Variants in GFRA1 observed in about 807,000 individuals in gnomAD.
The protein encoded by GFRA1 is GDNF family receptor alpha 1, also known as GDNF family receptor alpha-1.
Under a neutral mutation model 51.6 loss-of-function variants are expected in GFRA1, and 16 were observed. That is an observed-to-expected ratio of 0.31 (90% confidence interval 0.21 to 0.47). GFRA1 has a LOEUF of 0.47. GFRA1 is among the 20% of genes least tolerant of loss of function. GFRA1 has a pLI of 1.00. For missense variants in GFRA1, 530 were observed against 594.3 expected (o/e 0.89, Z 1.13); for synonymous variants, 270 against 241.3 (o/e 1.12, Z -1.10).
At chr10:116,267,360 G>A (rs1969741074) in intron 4 of GFRA1, among the ~76,000 whole-genome samples, 1 of 152,002 alleles carries the variant, frequency 6.6e-6, no homozygotes, top group South Asian at 2.1e-4. Context: ...CAGCTACTCG[G>A]GAGGCTGAGG....
At position 116,250,858 on chromosome 10, in the gene GFRA1, T is replaced by G. The variant is rs528284836; in HGVS notation, c.418+18645A>C. Among the ~76,000 whole-genome samples, 6 of 152,300 alleles carry G rather than the reference T, an allele frequency of 3.9e-5. 1 individual carries two copies. The South Asian group carries it at 1.2e-3, about 32-fold the overall frequency. On this transcript the variant is annotated intron_variant, in intron 4 of 10. Coordinates refer to ENST00000355422, the MANE Select transcript of GFRA1 (RefSeq NM_005264.8). The stretch of plus-strand genomic sequence containing the variant: ...CAGGGCAGCGGAAGGAGATAATCAC[T>G]GGTAAAAAGGGACCAGGCTCCCACC...
rs1479456014 is a variant in GFRA1, at chr10:116,148,093, C to T, written c.434-22536G>A. Among the ~76,000 whole-genome samples, 14 of 95,340 alleles carry T rather than the reference C, an allele frequency of 1.5e-4. No individual in the cohort carries two copies. The East Asian group carries it at 1.6e-3, about 11-fold the overall frequency. 62.5% of individuals were successfully genotyped at this position (95,340 alleles called of 152,430 possible). ...GTGTGTGCATGTGTGTGTGTGCATG[C>T]GTGTGTGCATGCATGGGTGTGTGTG... On this transcript the variant is annotated intron_variant, in intron 5 of 10. Coordinates refer to ENST00000355422, the MANE Select transcript of GFRA1 (RefSeq NM_005264.8).
chr10:116,273,376 C>A (rs1386206205), upstream of GFRA1: 2 of 152,002 alleles, frequency 1.3e-5, no homozygotes, highest in Non-Finnish European at 2.9e-5. Context: ...CCGAGCAGAG[C>A]CCTCGGCTCG....
intron 5 of GFRA1, among the ~76,000 whole-genome samples, chr10:116,208,328 T>G (rs1435012911): frequency 3.3e-5 from 5 of 152,092 alleles, no homozygotes; most frequent in Admixed American, 3.3e-4. Flanking sequence ...TTTGTAAACT[T>G]GACTACAGAA....
intron 5 of GFRA1, among the ~76,000 whole-genome samples, chr10:116,186,268 C>T (rs899955896): frequency 3.9e-5 from 6 of 152,194 alleles, no homozygotes; most frequent in Admixed American, 2.6e-4. Flanking sequence ...CCCAGACAAC[C>T]TTGCCTTTTC....
chr10:116,226,432 T>C (rs998098740), intron 4 of GFRA1, among the ~76,000 whole-genome samples: 1 of 152,134 alleles, frequency 6.6e-6, no homozygotes, highest in African/African-American at 2.4e-5. Context: ...GAAAGGGAAG[T>C]TCTGCTAAAA....
intron 4 of GFRA1, among the ~76,000 whole-genome samples, chr10:116,225,534 CAAAAAAAAAA>C (rs756377767): frequency 1.3e-4 from 8 of 63,962 alleles, no homozygotes; most frequent in Middle Eastern, 0.016. Context: ...AGTCTGTCTC[CAAAAAAAAAA>C]AAAAAAAAAA....
intron 5 of GFRA1, among the ~76,000 whole-genome samples, chr10:116,167,516 A>G (rs1404792779): frequency 1.3e-5 from 2 of 152,118 alleles, no homozygotes; most frequent in Non-Finnish European, 2.9e-5. Flanking sequence ...AATGCCTGGC[A>G]TGTAATGTCT....
intron 5 of GFRA1, among the ~76,000 whole-genome samples, chr10:116,138,754 G>A (rs1958441171): frequency 6.6e-6 from 1 of 150,930 alleles, no homozygotes; most frequent in African/African-American, 2.4e-5. Context: ...GCATGCCTCA[G>A]TGAGCCTTCA....
chr10:116,086,246 T>C (rs1195955095), intron 9 of GFRA1, among the ~76,000 whole-genome samples: 1 of 152,068 alleles, frequency 6.6e-6, no homozygotes, highest in Non-Finnish European at 1.5e-5. Context: ...CCCACCAATG[T>C]TCCCTAGCAC....
chr10:116,115,099 T>C (rs1239476975), intron 6 of GFRA1, among the ~76,000 whole-genome samples: 1 of 152,260 alleles, frequency 6.6e-6, no homozygotes, highest in Non-Finnish European at 1.5e-5. Context: ...ATGGTTCTTT[T>C]AAATTCTTGT....
chr10:116,263,822 G>C (rs902617714), intron 4 of GFRA1, among the ~76,000 whole-genome samples: 1 of 152,164 alleles, frequency 6.6e-6, no homozygotes, highest in African/African-American at 2.4e-5. Flanking sequence ...GTGGAAGGAG[G>C]GGAGCATTCA....
chr10:116,077,347 A>G (rs983182381), intron 9 of GFRA1, among the ~76,000 whole-genome samples: 9 of 152,234 alleles, frequency 5.9e-5, no homozygotes, highest in African/African-American at 1.9e-4. Flanking sequence ...AATAGATCCC[A>G]TGACCTGCCT....
chr10:116,096,687 G>T lies in GFRA1; in HGVS notation c.848C>A (p.Ala283Asp), dbSNP rs779249825. Residue 283 changes from alanine (A) to aspartate (D), a missense_variant, in exon 7 of 11, where the codon GCT becomes GAT. Ala to Asp is a moderately radical substitution (Grantham distance 126). Transcript: ENST00000355422. ...CCCCGAGTAGGCGAGGAGGCAGTCA[G>T]CGTAGTTTTCCTTTAGACAGCTGCT... ...SVSSCLKENYADCLLAYSGLI... is the reference protein window; with the variant it reads ...SVSSCLKENYDDCLLAYSGLI... 13 of 1,609,282 alleles carry T rather than the reference G, an allele frequency of 8.1e-6. No homozygotes were observed. Among genetic ancestry groups the T allele is most frequent in the Non-Finnish European group, 1.0e-5 (12 of 1,175,956 alleles).
At chr10:116,090,268 G>T (rs1193585965) in intron 8 of GFRA1, among the ~76,000 whole-genome samples, 1 of 151,858 alleles carries the variant, frequency 6.6e-6, no homozygotes, top group Non-Finnish European at 1.5e-5. Context: ...ACTGTTACTT[G>T]GGATCATAAC....
At chr10:116,239,893 T>C (rs1351606356) in intron 4 of GFRA1, among the ~76,000 whole-genome samples, 1 of 152,162 alleles carries the variant, frequency 6.6e-6, no homozygotes, top group Non-Finnish European at 1.5e-5. Flanking sequence ...ATTTTGAACA[T>C]GTTCACAATA....
At chr10:116,070,964 A>AATG (rs1196468510) in intron 9 of GFRA1, among the ~76,000 whole-genome samples, 4 of 152,150 alleles carry the variant, frequency 2.6e-5, no homozygotes, top group African/African-American at 9.7e-5. Flanking sequence ...TGGTCTGAAT[A>AATG]ATGTCCAGTA....
chr10:116,242,071 GA>G (rs1200181877), intron 4 of GFRA1, among the ~76,000 whole-genome samples: 2 of 152,298 alleles, frequency 1.3e-5, no homozygotes, highest in East Asian at 3.9e-4. Flanking sequence ...CCCCTCAACT[GA>G]AATACCCAGA....
At chr10:116,126,939 G>A (rs754206448) in intron 5 of GFRA1, among the ~76,000 whole-genome samples, 2 of 152,120 alleles carry the variant, frequency 1.3e-5, no homozygotes, top group Non-Finnish European at 2.9e-5. Flanking sequence ...CCTACAATGC[G>A]TAACAACATG....
Sources: allele counts gnomAD v4.1 joint callset (sites outside exome capture counted in the v4.1 genomes callset), GRCh38; gene constraint gnomAD v4.1.1; transcripts MANE v1.5; gene names NCBI Gene and HGNC (gene_info 2026-07-23, HGNC 2026-07-21).